Variants in REDIC1 observed in about 807,000 individuals in gnomAD.
REDIC1 encodes regulator of DNA class I crossover intermediates 1, also known as HEI10 Interacting Protein 1.
the REDIC1 span, among the ~76,000 whole-genome samples, chr12:39,671,817 G>A: frequency 6.6e-6 from 1 of 152,070 alleles, no homozygotes; most frequent in African/African-American, 2.4e-5. Flanking sequence ...GATGGATGGG[G>A]AGATCTCCAG....
chr12:39,678,657 A>G, the REDIC1 span, among the ~76,000 whole-genome samples: 2 of 150,650 alleles, frequency 1.3e-5, no homozygotes, highest in African/African-American at 2.4e-5. Context: ...AAAGGAAACT[A>G]TAGACCAATA....
At chr12:39,811,493 T>G in the REDIC1 span, among the ~76,000 whole-genome samples, 1 of 152,146 alleles carries the variant, frequency 6.6e-6, no homozygotes, top group African/African-American at 2.4e-5. Flanking sequence ...CTGACGTTCT[T>G]GATATGTTAT....
the REDIC1 span, among the ~76,000 whole-genome samples, chr12:39,762,790 G>T: frequency 6.6e-6 from 1 of 152,150 alleles, no homozygotes; most frequent in South Asian, 2.1e-4. Flanking sequence ...TCTACTACTA[G>T]AGAGTAGTAG....
the REDIC1 span, among the ~76,000 whole-genome samples, chr12:39,653,007 C>A: frequency 3.3e-5 from 5 of 151,852 alleles, no homozygotes; most frequent in South Asian, 6.2e-4. Flanking sequence ...TCTTCTTAAT[C>A]CTTTGCAATT....
chr12:39,802,710 CAT>C, the REDIC1 span, among the ~76,000 whole-genome samples: 2 of 151,588 alleles, frequency 1.3e-5, no homozygotes, highest in African/African-American at 4.9e-5. Flanking sequence ...GTTACATGTC[CAT>C]ATATATAGAT....
At chr12:39,869,590 GA>G in the REDIC1 span, among the ~76,000 whole-genome samples, 2 of 152,180 alleles carry the variant, frequency 1.3e-5, no homozygotes, top group Admixed American at 1.3e-4. Flanking sequence ...AGGCAGGAAA[GA>G]AAAGTGCCTA....
At chr12:39,901,522 G>T in the REDIC1 span, among the ~76,000 whole-genome samples, 1 of 134,528 alleles carries the variant, frequency 7.4e-6, no homozygotes, top group African/African-American at 2.8e-5. Context: ...CCATCAAAAA[G>T]TGGGCAAAGG....
the REDIC1 span, among the ~76,000 whole-genome samples, chr12:39,628,490 C>G: frequency 6.6e-6 from 1 of 152,084 alleles, no homozygotes; most frequent in African/African-American, 2.4e-5. Context: ...CTTTTTACCC[C>G]CCTCCATTGT....
chr12:39,899,660 CAG>C, the REDIC1 span, among the ~76,000 whole-genome samples: 1 of 152,012 alleles, frequency 6.6e-6, no homozygotes, highest in Admixed American at 6.6e-5. Flanking sequence ...GAATGTGTCC[CAG>C]AGATTCTGGT....
the REDIC1 span, among the ~76,000 whole-genome samples, chr12:39,628,069 G>GGCACACA: frequency 6.6e-6 from 1 of 152,068 alleles, no homozygotes; most frequent in Non-Finnish European, 1.5e-5. Context: ...TCATGTTTTT[G>GGCACACA]GAGCAATGCT....
At chr12:39,759,974 GTTC>G in the REDIC1 span, 1 of 1,435,386 alleles carries the variant, frequency 7.0e-7, no homozygotes, top group Non-Finnish European at 9.7e-7. Context: ...ACCAATTGCT[GTTC>G]TTCTCCCCCC....
At chr12:39,647,705 A>C in the REDIC1 span, 142 of 1,002,540 alleles carry the variant, frequency 1.4e-4, no homozygotes, top group African/African-American at 1.4e-3. Context: ...TGCCCTTTTC[A>C]CTTATTTTAA....
At chr12:39,783,226 T>C in the REDIC1 span, among the ~76,000 whole-genome samples, 2 of 152,248 alleles carry the variant, frequency 1.3e-5, no homozygotes, top group African/African-American at 4.8e-5. Flanking sequence ...CTGCATAGTA[T>C]TCCATGGTGT....
chr12:39,859,331 CTG>C, the REDIC1 span, among the ~76,000 whole-genome samples: 1 of 36,422 alleles, frequency 2.7e-5, no homozygotes, highest in African/African-American at 1.3e-4. Context: ...TTTTTTTTTT[CTG>C]AAAAAAAAAA....
chr12:39,748,263 G>A, the REDIC1 span, among the ~76,000 whole-genome samples: 2 of 152,000 alleles, frequency 1.3e-5, no homozygotes, highest in African/African-American at 4.8e-5. Context: ...AAAAAGGCAG[G>A]GGTTGCAATC....
the REDIC1 span, among the ~76,000 whole-genome samples, chr12:39,889,242 A>C: frequency 6.6e-6 from 1 of 152,118 alleles, no homozygotes; most frequent in Non-Finnish European, 1.5e-5. Context: ...CCATCAGTTA[A>C]AACCCCAAAT....
chr12:39,881,921 G>T, the REDIC1 span, among the ~76,000 whole-genome samples: 3 of 152,010 alleles, frequency 2.0e-5, no homozygotes, highest in Non-Finnish European at 4.4e-5. Flanking sequence ...GATTCTCGGT[G>T]ACAGTGGCAT....
At chr12:39,830,023 T>G in the REDIC1 span, 24 of 1,568,208 alleles carry the variant, frequency 1.5e-5, no homozygotes, top group Non-Finnish European at 2.1e-5. Context: ...CTGCTATAAG[T>G]GCAAGCACTC....
At chr12:39,714,270 TATATATGTATATACGTATATGCATGC>T in the REDIC1 span, among the ~76,000 whole-genome samples, 1 of 118,050 alleles carries the variant, frequency 8.5e-6, no homozygotes, top group African/African-American at 2.9e-5. Context: ...TGCATATATG[TATATATGTATATACGTATATGCATGC>T]ATATATGTAT....
Sources: gnomAD v4.1 joint callset for allele counts (sites outside exome capture counted in the v4.1 genomes callset) on GRCh38, gnomAD v4.1.1 for gene constraint, MANE v1.5 for transcripts, NCBI Gene and HGNC (gene_info 2026-07-23, HGNC 2026-07-21) for gene names.